Variants in PCDHA11 observed in about 807,000 individuals in gnomAD.
PCDHA11 encodes the protein protocadherin alpha 11.
Under a neutral mutation model 70.3 loss-of-function variants are expected in PCDHA11, and 61 were observed. The ratio of observed to expected loss-of-function variants is 0.87; its 90% confidence interval spans 0.71 to 1.07. The LOEUF is 1.07. Among genes scored for constraint, PCDHA11 ranks in the 50% least tolerant of loss-of-function variants. PCDHA11 has a pLI of 0.00. For synonymous variants in PCDHA11, 633 were observed against 555.1 expected, an observed-to-expected ratio of 1.14 and a Z score of -1.97; for missense variants, 1,324 against 1,237.5, an observed-to-expected ratio of 1.07 and a Z score of -1.05.
chr5:141,005,451 C>G (rs1263058026), intron 3 of PCDHA11, among the ~76,000 whole-genome samples: 1 of 151,986 alleles, frequency 6.6e-6, no homozygotes, highest in Non-Finnish European at 1.5e-5. Flanking sequence ...CGCCTGTAAT[C>G]CCAGCACTTT....
chr5:140,957,322 A>G (rs1356606026), intron 1 of PCDHA11, among the ~76,000 whole-genome samples: 4 of 152,202 alleles, frequency 2.6e-5, no homozygotes, highest in Admixed American at 2.0e-4. Context: ...AGGTGAGCAC[A>G]GTACAGTAAG....
chr5:140,928,288 C>CA (rs1554205700), intron 1 of PCDHA11: 1 of 1,614,156 alleles, frequency 6.2e-7, no homozygotes, highest in East Asian at 2.2e-5. Flanking sequence ...CTCTCTAGGC[C>CA]GAGTGTTTGC....
At chr5:140,875,772 G>T (rs781933974) in intron 1 of PCDHA11, 2 of 1,614,136 alleles carry the variant, frequency 1.2e-6, no homozygotes, top group Non-Finnish European at 1.7e-6. Context: ...GGCGGAGCGC[G>T]GAGTGCAGTA....
At chr5:140,970,252 T>A (rs2096392828) in intron 1 of PCDHA11, among the ~76,000 whole-genome samples, 1 of 152,234 alleles carries the variant, frequency 6.6e-6, no homozygotes, top group Non-Finnish European at 1.5e-5. Context: ...GTTGACAGTT[T>A]CTATGGTTTT....
At chr5:140,918,510 A>G (rs1224635164) in intron 1 of PCDHA11, among the ~76,000 whole-genome samples, 1 of 152,144 alleles carries the variant, frequency 6.6e-6, no homozygotes, top group Non-Finnish European at 1.5e-5. Flanking sequence ...ATCCTTTTAA[A>G]CTTATTGAGG....
At chr5:140,890,961 TTTTG>T (rs1239214366) in intron 1 of PCDHA11, among the ~76,000 whole-genome samples, 3 of 152,172 alleles carry the variant, frequency 2.0e-5, no homozygotes, top group African/African-American at 7.2e-5. Flanking sequence ...TGATTTCAGG[TTTTG>T]TTTTTCTGAA....
At chr5:140,904,074 T>G (rs2070811489) in intron 1 of PCDHA11, among the ~76,000 whole-genome samples, 1 of 152,214 alleles carries the variant, frequency 6.6e-6, no homozygotes, top group East Asian at 1.9e-4. Flanking sequence ...GGGAACAGTA[T>G]TTGGTTACAT....
rs1554202869 is a variant in PCDHA11, at chr5:140,925,671, A to AATG, written c.2392-53276_2392-53275insGAT. Among the ~76,000 whole-genome samples the AATG allele has an allele frequency of 4.6e-4, 68 of 148,180 alleles. 1 individual carries two copies. The highest frequency in any genetic ancestry group is 1.6e-3 in the African/African-American group (66 of 40,022). On this transcript the variant is annotated intron_variant, in intron 1 of 3. Transcript: ENST00000398640. ...TAATAATAATAATAATAATAATAAT[A>AATG]ATAATAAAGCGAGGGTGGGTATCTA...
chr5:140,954,057 A>C (rs1554221238), intron 1 of PCDHA11, among the ~76,000 whole-genome samples: 1 of 152,112 alleles, frequency 6.6e-6, no homozygotes, highest in Admixed American at 6.5e-5. Flanking sequence ...TTCCTGCATT[A>C]TTATGCTGAG....
rs35184029 is a variant in PCDHA11 at position 140,997,668 on chromosome 5, T to TTGTG, written c.2540-11933_2540-11930dup. 2.7e-3 allele frequency among the ~76,000 whole-genome samples: 396 copies of TTGTG among 148,340 alleles called. 1 individual carries two copies. Among genetic ancestry groups the TTGTG allele is most frequent in the African/African-American group, 5.1e-3 (207 of 40,232 alleles). On this transcript the variant is annotated intron_variant, in intron 3 of 3. Transcript: ENST00000398640. ...AATGCAATATGTATTATTATACAGC[T>TTGTG]TGTGTGTGTGTGTGTGTGTGTGTGT...
At chr5:140,918,428 T>C (rs2078691655) in intron 1 of PCDHA11, among the ~76,000 whole-genome samples, 1 of 152,194 alleles carries the variant, frequency 6.6e-6, no homozygotes, top group African/African-American at 2.4e-5. Context: ...AGTAGGATGT[T>C]GAATAGGAGT....
At chr5:140,905,635 A>ACTGTTGCCTCAGGCAGTGCAGG (rs2071993181) in intron 1 of PCDHA11, among the ~76,000 whole-genome samples, 1 of 152,206 alleles carries the variant, frequency 6.6e-6, no homozygotes, top group South Asian at 2.1e-4. Flanking sequence ...CAGTATGGTC[A>ACTGTTGCCTCAGGCAGTGCAGG]GTTTCACAGT....
chr5:140,883,676 C>T lies in PCDHA11; in HGVS notation c.2391+12182C>T, dbSNP rs986680593. 6.2e-6 allele frequency: 10 copies of T among 1,613,792 alleles called. No homozygotes were observed. In the Admixed American group the frequency reaches 1.0e-4, roughly 16 times the overall value. On this transcript the variant is annotated intron_variant, in intron 1 of 3. Transcript: ENST00000398640. Reference sequence around the variant, plus strand: ...GGTGTTCGTGAAGGAAAACAATCCGCCGGGCTGCCACATCTTCACGGTGTC... The same window carrying T: ...GGTGTTCGTGAAGGAAAACAATCCGTCGGGCTGCCACATCTTCACGGTGTC...
intron 3 of PCDHA11, among the ~76,000 whole-genome samples, chr5:140,997,668 T>TTG (rs35184029): frequency 0.084 from 12,442 of 148,286 alleles, 534 homozygotes; most frequent in Admixed American, 0.1. Flanking sequence ...ATTATACAGC[T>TTG]TGTGTGTGTG....
In PCDHA11 at chr5:141,012,118, T is replaced by C. The variant is rs2098422988; in HGVS notation, c.*2181T>C. 6.5e-6 allele frequency: 1 copy of C among 153,768 alleles called. No individual in the cohort carries two copies. The highest frequency in any genetic ancestry group is 2.4e-5 in the African/African-American group (1 of 41,458). The allele number at this position is 153,768 out of a possible 1,614,324, so 9.5% of individuals were successfully genotyped here. A position where few individuals can be genotyped will look rare whatever the true frequency, so the allele number is the denominator to read the frequency against. On this transcript the variant is annotated 3_prime_UTR_variant, in exon 4 of 4. Coordinates refer to ENST00000398640, the MANE Select transcript of PCDHA11 (RefSeq NM_018902.5). ...TCATTTTGCCCCACTGAAGCCCATG[T>C]ATCTGACCTTACGTGCCTTTTGAAC...
intron 1 of PCDHA11, among the ~76,000 whole-genome samples, chr5:140,905,387 G>T (rs1554192032): frequency 1.3e-5 from 2 of 152,138 alleles, no homozygotes; most frequent in African/African-American, 4.8e-5. Context: ...TGTTTCATAG[G>T]TCTGTGTGCC....
intron 1 of PCDHA11, among the ~76,000 whole-genome samples, chr5:140,941,191 T>TTTCTTTCTTCCTTTCTTCC (rs1487503403): frequency 1.1e-5 from 1 of 93,258 alleles, no homozygotes; most frequent in African/African-American, 3.9e-5. Flanking sequence ...GCTTCTTTTT[T>TTTCTTTCTTCCTTTCTTCC]TTTCTTTCTT....
In PCDHA11 at chr5:140,869,867, C is replaced by A. The variant is rs1554163562; in HGVS notation, c.764C>A (p.Ala255Asp). 7 of 1,609,988 alleles carry A rather than the reference C, an allele frequency of 4.3e-6. No individual in the cohort carries two copies. Among genetic ancestry groups the A allele is most frequent in the Non-Finnish European group, 5.9e-6 (7 of 1,177,904 alleles). ...SEYKVSLMEN[A>D]AKETLVLKLN... ...TATAAGGTGAGCCTTATGGAAAATG[C>A]TGCTAAAGAAACTCTTGTGCTCAAA... The change falls in exon 1 of 4, where the codon GCT becomes GAT. Residue 255 changes from alanine to aspartate, a missense_variant. Physicochemically the swap from Ala to Asp is moderately radical, Grantham distance 126 (BLOSUM62 -2). Coordinates refer to ENST00000398640, the MANE Select transcript of PCDHA11 (RefSeq NM_018902.5).
At chr5:140,977,306 C>G (rs995052680) in intron 1 of PCDHA11, among the ~76,000 whole-genome samples, 22 of 152,268 alleles carry the variant, frequency 1.4e-4, no homozygotes, top group African/African-American at 4.8e-4. Context: ...GACAAGCTAA[C>G]GATAGTGCTC....
Sources: allele counts gnomAD v4.1 joint callset (sites outside exome capture counted in the v4.1 genomes callset), GRCh38; gene constraint gnomAD v4.1.1; transcripts MANE v1.5; gene names NCBI Gene and HGNC (gene_info 2026-07-23, HGNC 2026-07-21).